The following DYNC1I1 variants were observed in gnomAD, a reference collection of about 807,000 sequenced individuals.
The protein encoded by DYNC1I1 is cytoplasmic dynein 1 intermediate chain 1.
In DYNC1I1, 43 loss-of-function variants were observed where a neutral mutation model predicts 86.6. That is an observed-to-expected ratio of 0.50 (90% CI 0.39 to 0.64). The LOEUF is 0.64. Among genes scored for constraint, DYNC1I1 ranks in the 30% least tolerant of loss-of-function variants. The probability of loss-of-function intolerance (pLI) is 0.00; values close to 1 mark genes in which losing one functional copy is unlikely to be tolerated. For synonymous variants in DYNC1I1, 262 were observed against 283.7 expected (o/e 0.92, Z 0.77); for missense variants, 604 against 788.8 (o/e 0.77, Z 2.81).
At chr7:95,943,604 T>C (rs201139578) in intron 6 of DYNC1I1, among the ~76,000 whole-genome samples, 43,128 of 81,746 alleles carry the variant, frequency 0.53, 13,157 homozygotes, top group East Asian at 0.81. Flanking sequence ...GGAGGCATCA[T>C]GCTACCTGAC....
At chr7:95,950,173 G>A (rs567975450) in intron 6 of DYNC1I1, among the ~76,000 whole-genome samples, 4 of 152,276 alleles carry the variant, frequency 2.6e-5, no homozygotes, top group Non-Finnish European at 4.4e-5. Context: ...CGAGCCTTGC[G>A]AAAACACAGG....
At chr7:95,823,538 T>C (rs1185107869) in intron 4 of DYNC1I1, among the ~76,000 whole-genome samples, 1 of 152,214 alleles carries the variant, frequency 6.6e-6, no homozygotes, top group African/African-American at 2.4e-5. Context: ...AATATTCATA[T>C]GTCTCATTTC....
chr7:95,821,106 G>T (rs756724891), intron 4 of DYNC1I1, among the ~76,000 whole-genome samples: 1 of 152,082 alleles, frequency 6.6e-6, no homozygotes, highest in Non-Finnish European at 1.5e-5. Flanking sequence ...GCCCTCACAC[G>T]TCACACCCAT....
intron 15 of DYNC1I1, 149 bp downstream of exon 15, chr7:96,076,346 T>C: frequency 1.6e-6 from 2 of 1,214,886 alleles, no homozygotes; most frequent in Non-Finnish European, 2.2e-6. Context: ...TTGACTACCC[T>C]GAAGGGAATT....
chr7:95,949,321 C>G (rs1386956742), intron 6 of DYNC1I1, among the ~76,000 whole-genome samples: 1 of 152,192 alleles, frequency 6.6e-6, no homozygotes, highest in Non-Finnish European at 1.5e-5. Context: ...TACACTTTCC[C>G]CCATGCAAGT....
chr7:95,845,003 A>C (rs1045566941), intron 5 of DYNC1I1, among the ~76,000 whole-genome samples: 3 of 152,200 alleles, frequency 2.0e-5, no homozygotes, highest in Admixed American at 1.3e-4. Flanking sequence ...ATTTATTCCA[A>C]AGTAGTTTGG....
rs551953723 is a variant in DYNC1I1, at chr7:96,035,734, C to T, written c.1346C>T (p.Thr449Met). 35 of 1,609,926 alleles carry T rather than the reference C, an allele frequency of 2.2e-5. No individual in the cohort carries two copies. The highest frequency in any genetic ancestry group is 1.9e-4 in the South Asian group (17 of 90,062). The change falls in exon 13 of 17, where the codon ACG (threonine) becomes ATG (methionine). Residue 449 changes from threonine (T) to methionine (M), a missense_variant. By Grantham distance (81) the Thr-to-Met change is moderately conservative. Coordinates refer to ENST00000447467, the MANE Select transcript of DYNC1I1 (RefSeq NM_001135556.2). Reference protein sequence around the residue: ...VVGSEEGTVYTACRHGSKAGI... With the variant: ...VVGSEEGTVYMACRHGSKAGI... ...GGCAGTGAGGAAGGTACAGTCTACACGGCTTGTCGTCATGGAAGGTGATTT... is the reference window on the plus strand; with the variant it reads ...GGCAGTGAGGAAGGTACAGTCTACATGGCTTGTCGTCATGGAAGGTGATTT...
intron 6 of DYNC1I1, among the ~76,000 whole-genome samples, chr7:95,933,723 A>T (rs1031648069): frequency 6.6e-6 from 1 of 152,150 alleles, no homozygotes; most frequent in Non-Finnish European, 1.5e-5. Context: ...TTTAAAAAAA[A>T]CTTCACATAA....
chr7:96,074,862 C>T (rs1790284967), intron 14 of DYNC1I1, among the ~76,000 whole-genome samples: 1 of 152,124 alleles, frequency 6.6e-6, no homozygotes, highest in Non-Finnish European at 1.5e-5. Context: ...GTTATCTTTT[C>T]TTGATCTTAT....
At chr7:95,790,960 C>T (rs1396389576) in intron 1 of DYNC1I1, among the ~76,000 whole-genome samples, 3 of 152,132 alleles carry the variant, frequency 2.0e-5, no homozygotes, top group Admixed American at 2.0e-4. Context: ...GGCTTAATTA[C>T]AAATTCATAC....
intron 1 of DYNC1I1, among the ~76,000 whole-genome samples, chr7:95,800,876 C>G (rs1794561461): frequency 6.6e-6 from 1 of 152,212 alleles, no homozygotes; most frequent in Non-Finnish European, 1.5e-5. Context: ...TAACTCATGT[C>G]CCTCATGTTT....
At chr7:95,986,468 G>A (rs940098946) in intron 8 of DYNC1I1, among the ~76,000 whole-genome samples, 16 of 152,258 alleles carry the variant, frequency 1.1e-4, no homozygotes, top group African/African-American at 3.1e-4. Context: ...AGATTCAGAT[G>A]CTGTTTTGGT....
At chr7:95,913,696 C>CT (rs1473720273) in intron 6 of DYNC1I1, among the ~76,000 whole-genome samples, 4 of 152,140 alleles carry the variant, frequency 2.6e-5, no homozygotes, top group Admixed American at 6.5e-5. Flanking sequence ...TGAGAAAGGA[C>CT]TAATACACAT....
At chr7:96,033,807 C>T (rs1794869462) in intron 12 of DYNC1I1, among the ~76,000 whole-genome samples, 2 of 152,048 alleles carry the variant, frequency 1.3e-5, no homozygotes, top group Non-Finnish European at 2.9e-5. Flanking sequence ...CCTAGGAGTT[C>T]AAGACCAGCC....
At chr7:96,057,658 T>C (rs1789619672) in intron 14 of DYNC1I1, among the ~76,000 whole-genome samples, 1 of 152,218 alleles carries the variant, frequency 6.6e-6, no homozygotes, top group African/African-American at 2.4e-5. Flanking sequence ...ATTGCATTTA[T>C]GTGTTAGTTG....
rs527323827 is a variant in DYNC1I1, at chr7:95,878,845, T to G, written c.490+8847T>G. ...GAAAGCAGCAAGAGAAAATGAATTTTCACTTACAAGAGAACCTCAATAAGA... is the reference window on the plus strand; with the variant it reads ...GAAAGCAGCAAGAGAAAATGAATTTGCACTTACAAGAGAACCTCAATAAGA... On this transcript the variant is annotated intron_variant, in intron 6 of 16. Transcript: ENST00000447467. 1.8e-3 allele frequency among the ~76,000 whole-genome samples: 268 copies of G among 151,834 alleles called. 1 individual carries two copies. The highest frequency in any genetic ancestry group is 3.4e-3 in the Middle Eastern group (1 of 294).
downstream of DYNC1I1, among the ~76,000 whole-genome samples, chr7:96,099,599 C>G (rs996984065): frequency 2.3e-4 from 35 of 152,172 alleles, no homozygotes; most frequent in African/African-American, 8.4e-4. Context: ...GCTTAGGTTG[C>G]AGATGGCTAT....
intron 9 of DYNC1I1, among the ~76,000 whole-genome samples, chr7:95,989,870 G>A (rs1413829614): frequency 6.6e-6 from 1 of 152,074 alleles, no homozygotes; most frequent in South Asian, 2.1e-4. Context: ...ACTGTTGAGG[G>A]GTTCAAAGGA....
At chr7:95,884,177 C>T (rs1790531272) in intron 6 of DYNC1I1, among the ~76,000 whole-genome samples, 1 of 152,124 alleles carries the variant, frequency 6.6e-6, no homozygotes, top group Non-Finnish European at 1.5e-5. Context: ...TCATTAAGTA[C>T]ACAACAAAAT....
Sources: gnomAD v4.1 joint callset for allele counts (sites outside exome capture counted in the v4.1 genomes callset) on GRCh38, gnomAD v4.1.1 for gene constraint, MANE v1.5 for transcripts, NCBI Gene and HGNC (gene_info 2026-07-23, HGNC 2026-07-21) for gene names.